The following GRIK3 variants were observed in gnomAD, a reference collection of about 807,000 sequenced individuals.
The protein encoded by GRIK3 is glutamate ionotropic receptor kainate type subunit 3, also known as glutamate receptor ionotropic, kainate 3.
Under a neutral mutation model 102.5 loss-of-function variants are expected in GRIK3, and 29 were observed. The observed-to-expected ratio is 0.28, with a 90% CI of 0.21 to 0.39. The LOEUF (loss-of-function observed/expected upper bound fraction) is 0.39, where lower values mean the gene tolerates loss of function less well. Ranked by LOEUF, GRIK3 falls within the 10% of genes least tolerant of loss-of-function variation. The pLI, the probability that GRIK3 is intolerant of heterozygous loss-of-function variation, is 1.00. For missense variants in GRIK3, 908 were observed against 1,252.4 expected (o/e 0.73, Z 4.15); for synonymous variants, 511 against 504.9 (o/e 1.01, Z -0.16).
At chr1:37,018,661 G>C (rs1446395889) in intron 1 of GRIK3, among the ~76,000 whole-genome samples, 3 of 152,106 alleles carry the variant, frequency 2.0e-5, no homozygotes, top group Non-Finnish European at 4.4e-5. Context: ...CAGGATCAGG[G>C]AGCAAAGTCA....
chr1:36,911,555 A>G (rs529560113), intron 1 of GRIK3, among the ~76,000 whole-genome samples: 1 of 152,126 alleles, frequency 6.6e-6, no homozygotes, highest in African/African-American at 2.4e-5. Flanking sequence ...GAGGATGTGC[A>G]CTTCCCTGGG....
At chr1:36,893,666 G>A (rs746929454) in intron 1 of GRIK3, among the ~76,000 whole-genome samples, 6 of 152,176 alleles carry the variant, frequency 3.9e-5, no homozygotes, top group African/African-American at 4.8e-5. Context: ...AAATGTCCAC[G>A]CCTGTGACTC....
chr1:36,889,305 C>T lies in GRIK3; in HGVS notation c.292+1615G>A, dbSNP rs536477785. On this transcript the variant is annotated intron_variant, in intron 2 of 15. Coordinates refer to ENST00000373091, the MANE Select transcript of GRIK3 (RefSeq NM_000831.4). The stretch of plus-strand genomic sequence containing the variant: ...TGGGCTGGAGAAAGGGAATTACAAG[C>T]AGAGAGGGCAGCATGTGCGGAAGCC... 2.0e-5 allele frequency among the ~76,000 whole-genome samples: 3 copies of T among 151,428 alleles called. No homozygotes were observed. In the East Asian group the frequency reaches 5.9e-4, roughly 30 times the overall value.
chr1:37,011,630 G>C (rs934679563), intron 1 of GRIK3, among the ~76,000 whole-genome samples: 12 of 152,220 alleles, frequency 7.9e-5, no homozygotes, highest in Non-Finnish European at 2.9e-5. Flanking sequence ...AGGCTGGTGT[G>C]AAGTCTAAGG....
chr1:36,944,952 C>T (rs1557434906), intron 1 of GRIK3, among the ~76,000 whole-genome samples: 1 of 152,230 alleles, frequency 6.6e-6, no homozygotes, highest in Non-Finnish European at 1.5e-5. Context: ...CTGGTGCCCT[C>T]TCAGAAGGGC....
At chr1:36,999,621 C>T (rs1366668420) in intron 1 of GRIK3, among the ~76,000 whole-genome samples, 2 of 152,158 alleles carry the variant, frequency 1.3e-5, no homozygotes, top group Admixed American at 6.5e-5. Context: ...AAGCATTGAT[C>T]TATCACAGGT....
intron 1 of GRIK3, among the ~76,000 whole-genome samples, chr1:36,965,067 G>A (rs140852640): frequency 0.011 from 1,725 of 152,318 alleles, 18 homozygotes; most frequent in Admixed American, 0.021. Flanking sequence ...AGTGGAAGGC[G>A]TGTGGTACCT....
At chr1:36,948,016 C>T (rs1641803486) in intron 1 of GRIK3, among the ~76,000 whole-genome samples, 1 of 152,228 alleles carries the variant, frequency 6.6e-6, no homozygotes, top group African/African-American at 2.4e-5. Flanking sequence ...TCACTCCTTA[C>T]CCCTGCCTCA....
In GRIK3 at chr1:36,819,720, G is replaced by A. The variant is rs1417818379; in HGVS notation, c.1873+16C>T. The A allele has an allele frequency of 1.5e-6, 2 of 1,306,494 alleles. No homozygotes were observed. Among genetic ancestry groups the A allele is most frequent in the African/African-American group, 2.9e-5 (2 of 69,022 alleles). 80.9% of individuals were successfully genotyped at this position (1,306,494 alleles called of 1,614,324 possible). Reference sequence around the variant, plus strand: ...AGCAGACCCTGGAAGGGGAGGCCCTGGGAGAGGGTGCATACCTTGCTGCAT... The same window carrying A: ...AGCAGACCCTGGAAGGGGAGGCCCTAGGAGAGGGTGCATACCTTGCTGCAT... On this transcript the variant is annotated intron_variant, in intron 12 of 15. Transcript: ENST00000373091. The surrounding 1 kb of genome is among the most constrained non-coding windows in gnomAD (Gnocchi z 4.1).
intron 1 of GRIK3, among the ~76,000 whole-genome samples, chr1:36,990,674 G>A (rs534716467): frequency 7.9e-5 from 12 of 152,320 alleles, no homozygotes; most frequent in Admixed American, 3.9e-4. Context: ...GGCATTTATA[G>A]GAGCTTGAGA....
At chr1:36,897,784 C>G (rs1333441964) in intron 1 of GRIK3, among the ~76,000 whole-genome samples, 1 of 152,176 alleles carries the variant, frequency 6.6e-6, no homozygotes, top group African/African-American at 2.4e-5. Context: ...AGCAATCTCA[C>G]TGCTAGATAT....
chr1:37,006,585 C>T (rs886464951), intron 1 of GRIK3, among the ~76,000 whole-genome samples: 3 of 152,224 alleles, frequency 2.0e-5, no homozygotes, highest in African/African-American at 7.2e-5. Context: ...GTCAATGCCC[C>T]ACAGGACTCA....
At chr1:36,948,376 T>C (rs1040779871) in intron 1 of GRIK3, among the ~76,000 whole-genome samples, 3 of 152,224 alleles carry the variant, frequency 2.0e-5, no homozygotes, top group Non-Finnish European at 4.4e-5. Flanking sequence ...TCCTGTGTGC[T>C]GATCTGAGTT....
intron 11 of GRIK3, among the ~76,000 whole-genome samples, chr1:36,820,082 C>A (rs1642680026): frequency 6.6e-6 from 1 of 152,142 alleles, no homozygotes; most frequent in South Asian, 2.1e-4. Flanking sequence ...GTGCACATGC[C>A]CTTCAGGCTC....
chr1:36,930,685 G>C (rs766417049), intron 1 of GRIK3, among the ~76,000 whole-genome samples: 3 of 152,228 alleles, frequency 2.0e-5, no homozygotes, highest in Admixed American at 6.5e-5. Context: ...GTGGACACCA[G>C]GCCAGGGATG....
intron 2 of GRIK3, among the ~76,000 whole-genome samples, chr1:36,881,995 T>C (rs1640985035): frequency 7.5e-6 from 1 of 133,380 alleles, no homozygotes; most frequent in African/African-American, 2.7e-5. Context: ...GCCTCAAGAC[T>C]CCCTCCCCCT....
At chr1:36,939,259 A>G (rs1046340053) in intron 1 of GRIK3, among the ~76,000 whole-genome samples, 1 of 152,252 alleles carries the variant, frequency 6.6e-6, no homozygotes, top group African/African-American at 2.4e-5. Flanking sequence ...GAGTAGCAAC[A>G]TCAGAACAGC....
At chr1:36,879,613 T>A (rs900160182) in intron 3 of GRIK3, among the ~76,000 whole-genome samples, 1 of 152,226 alleles carries the variant, frequency 6.6e-6, no homozygotes, top group African/African-American at 2.4e-5. Context: ...TCTAAGGGCC[T>A]GGGACTTGAG....
At chr1:36,834,759 T>C (rs949693803) in intron 10 of GRIK3, among the ~76,000 whole-genome samples, 8 of 152,176 alleles carry the variant, frequency 5.3e-5, no homozygotes, top group African/African-American at 1.9e-4. Context: ...ACCCCCTGCA[T>C]GTCCACAAGG....
Sources: allele counts gnomAD v4.1 joint callset (sites outside exome capture counted in the v4.1 genomes callset), GRCh38; gene constraint gnomAD v4.1.1; non-coding constraint Gnocchi (gnomAD v3.1); transcripts MANE v1.5; gene names NCBI Gene and HGNC (gene_info 2026-07-23, HGNC 2026-07-21).